Variants in SPNS3 observed in about 807,000 individuals in gnomAD.
SPNS3 encodes protein spinster homolog 3.
In SPNS3, 51 loss-of-function variants were observed where a neutral mutation model predicts 54.4. The observed-to-expected ratio is 0.94, with a 90% confidence interval of 0.75 to 1.18. The LOEUF (loss-of-function observed/expected upper bound fraction) is 1.18. Ranked by LOEUF, SPNS3 falls within the 50% of genes most tolerant of loss-of-function variation. The probability of loss-of-function intolerance (pLI) is 0.00; values close to 1 mark genes in which losing one functional copy is unlikely to be tolerated. For missense variants in SPNS3, 669 were observed against 677.4 expected, an observed-to-expected ratio of 0.99 and a Z score of 0.14; for synonymous variants, 309 against 294.7, an observed-to-expected ratio of 1.05 and a Z score of -0.50.
At chr17:4,450,060 C>T (rs182323938) in intron 7 of SPNS3, among the ~76,000 whole-genome samples, 20 of 151,718 alleles carry the variant, frequency 1.3e-4, no homozygotes, top group African/African-American at 4.8e-4. Context: ...TCACCCCGGC[C>T]TCCTCCCTGC....
chr17:4,453,607 GA>G (rs1216116080), intron 8 of SPNS3, among the ~76,000 whole-genome samples: 1 of 134,188 alleles, frequency 7.5e-6, no homozygotes, highest in African/African-American at 2.9e-5. Flanking sequence ...AATGGAGCAA[GA>G]CTCCATCTTG....
At chr17:4,468,761 C>CTTTCTTTCTTTCTTTCTT (rs767888670) in intron 8 of SPNS3, among the ~76,000 whole-genome samples, 3 of 119,134 alleles carry the variant, frequency 2.5e-5, no homozygotes, top group Non-Finnish European at 3.6e-5. Flanking sequence ...TTCTTTCTTT[C>CTTTCTTTCTTTCTTTCTT]TCTCTTTCTT....
chr17:4,447,664 T>C (rs1410674792), intron 5 of SPNS3, among the ~76,000 whole-genome samples: 4 of 152,036 alleles, frequency 2.6e-5, no homozygotes, highest in South Asian at 2.1e-4. Flanking sequence ...AACCTTCTCA[T>C]GGTCTCAGCT....
chr17:4,487,728 GC>G, intron 11 of SPNS3, 77 bp from the exon 12 acceptor site: 1 of 1,290,494 alleles, frequency 7.7e-7, no homozygotes. Context: ...TTTCCTGACA[GC>G]CCGTGCCCAG....
chr17:4,450,643 C>CTGGA (rs1265144781), intron 7 of SPNS3, among the ~76,000 whole-genome samples: 3 of 151,796 alleles, frequency 2.0e-5, no homozygotes, highest in African/African-American at 7.3e-5. Context: ...GTTGCCCAGG[C>CTGGA]TGGAGTGCAG....
At chr17:4,442,958 G>A (rs754947046) in intron 2 of SPNS3, among the ~76,000 whole-genome samples, 23 of 152,182 alleles carry the variant, frequency 1.5e-4, no homozygotes, top group Non-Finnish European at 1.3e-4. Context: ...CTTGGGAAGG[G>A]CATCTGCAGA....
At chr17:4,461,351 CTTTTCTTTTCT>C (rs1971496331) in intron 8 of SPNS3, among the ~76,000 whole-genome samples, 1 of 73,456 alleles carries the variant, frequency 1.4e-5, no homozygotes, top group Admixed American at 1.4e-4. Context: ...GCTTTCTTTT[CTTTTCTTTTCT>C]TTTTTTTTTT....
intron 2 of SPNS3, 86 bp from the exon 3 acceptor site, chr17:4,444,946 G>A: frequency 6.7e-7 from 1 of 1,490,214 alleles, no homozygotes; most frequent in Admixed American, 2.1e-5. Context: ...TGGCATCTGA[G>A]TCAGGCTCCT....
At chr17:4,473,424 G>A (rs1406028134) in intron 8 of SPNS3, among the ~76,000 whole-genome samples, 1 of 146,768 alleles carries the variant, frequency 6.8e-6, no homozygotes, top group Non-Finnish European at 1.5e-5. Flanking sequence ...AAGAGAGAGA[G>A]TCTCACTCTT....
chr17:4,460,442 T>G (rs1409905971), intron 8 of SPNS3, among the ~76,000 whole-genome samples: 3 of 148,252 alleles, frequency 2.0e-5, no homozygotes, highest in Non-Finnish European at 4.5e-5. Context: ...TTTTTTTTTT[T>G]TTTTTTTGAG....
At position 4,479,527 on chromosome 17, in the gene SPNS3, A is replaced by C. The variant is rs1972100610; in HGVS notation, c.1179+890A>C. ...CTCCTTGCCTCCTTCTGGGAGGCAT[A>C]CAGGGAAGGACTTTGAACACATGAA... On this transcript the variant is annotated intron_variant, in intron 9 of 11. Transcript: ENST00000355530. Among the ~76,000 whole-genome samples, 2 of 152,228 alleles carry C rather than the reference A, an allele frequency of 1.3e-5. 1 individual carries two copies. Among genetic ancestry groups the C allele is most frequent in the South Asian group, 4.1e-4 (2 of 4,832 alleles).
intron 1 of SPNS3, among the ~76,000 whole-genome samples, chr17:4,436,435 A>T (rs1006443498): frequency 1.3e-5 from 2 of 152,038 alleles, no homozygotes; most frequent in African/African-American, 4.8e-5. Context: ...TCTACAAAAA[A>T]TTTAAAAAAT....
chr17:4,478,764 C>A lies in SPNS3; in HGVS notation c.1179+127C>A. 13 of 884,296 alleles carry A rather than the reference C, an allele frequency of 1.5e-5. No individual in the cohort carries two copies. The South Asian group carries it at 1.8e-4, about 12-fold the overall frequency. The allele number at this position is 884,296 out of a possible 1,614,324, so 54.8% of individuals were successfully genotyped here. On this transcript the variant is annotated intron_variant, in intron 9 of 11. Coordinates refer to ENST00000355530, the MANE Select transcript of SPNS3 (RefSeq NM_182538.5). ...TACATTAGGGGACCAAAGCCATTCACGGTTATCTTGGACCAGAGGCCTCTC... is the reference window on the plus strand; with the variant it reads ...TACATTAGGGGACCAAAGCCATTCAAGGTTATCTTGGACCAGAGGCCTCTC...
intron 8 of SPNS3, among the ~76,000 whole-genome samples, chr17:4,471,843 C>T (rs1971861820): frequency 6.7e-6 from 1 of 150,090 alleles, no homozygotes; most frequent in East Asian, 2.1e-4. Flanking sequence ...TCTCTTATCA[C>T]CTATCTTTTA....
chr17:4,485,872 C>T (rs966088466), intron 9 of SPNS3, among the ~76,000 whole-genome samples: 5 of 152,254 alleles, frequency 3.3e-5, no homozygotes, highest in African/African-American at 4.8e-5. Context: ...ACCCGCTCTT[C>T]GCCCTGCCCG....
At chr17:4,468,848 G>A (rs1375377101) in intron 8 of SPNS3, among the ~76,000 whole-genome samples, 2 of 149,552 alleles carry the variant, frequency 1.3e-5, no homozygotes, top group Non-Finnish European at 1.5e-5. Flanking sequence ...GAGGGCAATG[G>A]CATGGTCTCA....
chr17:4,449,827 T>G (rs138879476), intron 7 of SPNS3, among the ~76,000 whole-genome samples: 1,796 of 152,208 alleles, frequency 0.012, 25 homozygotes, highest in African/African-American at 0.04. Context: ...GTTTTGGGAT[T>G]TCACGTGTGT....
intron 9 of SPNS3, 140 bp downstream of exon 9, chr17:4,478,777 C>A: frequency 1.3e-6 from 1 of 758,608 alleles, no homozygotes; most frequent in Non-Finnish European, 2.1e-6. Flanking sequence ...TTATCTTGGA[C>A]CAGAGGCCTC....
chr17:4,482,037 C>CCT (rs1567577014), intron 9 of SPNS3: 5 of 152,100 alleles, frequency 3.3e-5, no homozygotes, highest in Non-Finnish European at 5.9e-5. Context: ...TACAGGCATG[C>CCT]GCCACCACGC....
Sources: allele counts gnomAD v4.1 joint callset (sites outside exome capture counted in the v4.1 genomes callset), GRCh38; gene constraint gnomAD v4.1.1; transcripts MANE v1.5; gene names NCBI Gene and HGNC (gene_info 2026-07-23, HGNC 2026-07-21).